EMC9: variants seen among roughly 807,000 people sequenced by gnomAD.
EMC9 encodes UPF0172 protein FAM158A.
EMC9 carries 20 observed loss-of-function variants against 25.0 expected under a neutral mutation model. The observed-to-expected ratio is 0.80, with a 90% CI of 0.56 to 1.16. EMC9 has a LOEUF of 1.16. Ranked by LOEUF, EMC9 falls within the 50% of genes most tolerant of loss-of-function variation. The pLI is 0.00. For missense variants in EMC9, 256 were observed against 268.7 expected, an observed-to-expected ratio of 0.95 and a Z score of 0.33; for synonymous variants, 100 against 107.0, an observed-to-expected ratio of 0.93 and a Z score of 0.40.
chr14:24,140,852 A>G, intron 3 of EMC9, 37 bp downstream of exon 3: 1 of 1,437,602 alleles, frequency 7.0e-7, no homozygotes, highest in Non-Finnish European at 9.4e-7. Context: ...CCAACCCGCC[A>G]TAATCCTTTC....
chr14:24,141,078 G>C (rs993306694), intron 2 of EMC9, 29 bp downstream of exon 2: 7 of 1,613,800 alleles, frequency 4.3e-6, no homozygotes, highest in South Asian at 1.1e-5. Flanking sequence ...GTGGGTTCGC[G>C]GTGGGGGATG....
In EMC9 at chr14:24,139,118, C is replaced by T. The variant is rs752246875; in HGVS notation, c.519G>A (p.Val173=). The change falls in exon 6 of 6, where the codon GTG becomes GTA. Residue 173 remains valine (V), a synonymous_variant. Coordinates refer to ENST00000216799, the MANE Select transcript of EMC9 (RefSeq NM_016049.4). This position sits in a 1 kb window ranked among gnomAD's most constrained non-coding sequence, Gnocchi z 4.6. Reference sequence around the variant, plus strand: ...TGTCATCAAGGTGGCAGTCAAAGTCCACAAGGTGCTGGTGGGCCCGATCTT... The same window carrying T: ...TGTCATCAAGGTGGCAGTCAAAGTCTACAAGGTGCTGGTGGGCCCGATCTT... ...LLEDRAHQHL[V]DFDCHLDDIR... is the part of the protein sequence containing the mutation. 1.9e-6 allele frequency: 3 copies of T among 1,614,168 alleles called. No homozygotes were observed. Among genetic ancestry groups the T allele is most frequent in the South Asian group, 1.1e-5 (1 of 91,088 alleles).
Position 24,139,636 on chromosome 14 carries a change from G to T in EMC9, c.276-22C>A. 6.2e-7 allele frequency: 1 copy of T among 1,611,450 alleles called. No individual in the cohort carries two copies. The highest frequency in any genetic ancestry group is 1.1e-5 in the South Asian group (1 of 90,588). On this transcript the variant is annotated intron_variant, in intron 3 of 5. Transcript: ENST00000216799. This position sits in a 1 kb window ranked among gnomAD's most constrained non-coding sequence, Gnocchi z 4.6. ...AGGGCTGTGTAGAGGGAAGATCAGA[G>T]GAGTGAGGAGCCAACTGTGGGCAAA...
In EMC9 at chr14:24,140,982, G is replaced by A. The variant is rs1190487405; in HGVS notation, c.199-17C>T. 6.2e-7 allele frequency: 1 copy of A among 1,614,230 alleles called. No homozygotes were observed. The highest frequency in any genetic ancestry group is 1.1e-5 in the South Asian group (1 of 91,086). Reference sequence around the variant, plus strand: ...CACATCCACCTGTCGTAGGAAAGGGGCCATCAGTAATTAAATTGTGCCGCT... The same window carrying A: ...CACATCCACCTGTCGTAGGAAAGGGACCATCAGTAATTAAATTGTGCCGCT... On this transcript the variant is annotated splice_polypyrimidine_tract_variant and intron_variant, in intron 2 of 5. Transcript: ENST00000216799.
intron 3 of EMC9, 94 bp downstream of exon 3, chr14:24,140,794 CG>C: frequency 5.2e-6 from 7 of 1,355,974 alleles, no homozygotes; most frequent in East Asian, 2.3e-5. Context: ...TGTGCGCCCC[CG>C]CCCCGCCCAC....
chr14:24,139,860 T>C lies in EMC9; in HGVS notation c.276-246A>G, dbSNP rs2038009842. ...AAAGGTGGTCTTTTTGGAAGGTAAT[T>C]TGGCATAACCATCCAAATTGAAACT... On this transcript the variant is annotated intron_variant, in intron 3 of 5. Coordinates refer to ENST00000216799, the MANE Select transcript of EMC9 (RefSeq NM_016049.4). This position sits in a 1 kb window ranked among gnomAD's most constrained non-coding sequence, Gnocchi z 4.6. The C allele has an allele frequency of 1.2e-5, 14 of 1,149,646 alleles. No individual in the cohort carries two copies. Among genetic ancestry groups the C allele is most frequent in the Non-Finnish European group, 1.7e-5 (14 of 807,604 alleles). 71.2% of individuals were successfully genotyped at this position (1,149,646 alleles called of 1,614,324 possible). A position where few individuals can be genotyped will look rare whatever the true frequency, so the allele number is the denominator to read the frequency against.
At position 24,141,174 on chromosome 14, in the gene EMC9, G is replaced by A. The variant is rs1198884686; in HGVS notation, c.131C>T (p.Thr44Ile). 2 of 1,614,152 alleles carry A rather than the reference G, an allele frequency of 1.2e-6. No homozygotes were observed. Among genetic ancestry groups the A allele is most frequent in the Non-Finnish European group, 8.5e-7 (1 of 1,180,054 alleles). Residue 44 changes from threonine (T) to isoleucine (I), a missense_variant, in exon 2 of 6, where the codon ACC (threonine) becomes ATC (isoleucine). Coordinates refer to ENST00000216799, the MANE Select transcript of EMC9 (RefSeq NM_016049.4). Reference protein sequence around the residue: ...APRSGECLCLTDCVPLFHSHL... With the variant: ...APRSGECLCLIDCVPLFHSHL... ...GCTGTGGAAGAGGGGCACACAGTCG[G>A]TGAGGCACAGGCATTCTCCAGACCG...
Position 24,139,003 on chromosome 14 carries a change from C to T in EMC9, c.*7G>A. On this transcript the variant is annotated 3_prime_UTR_variant, in exon 6 of 6. Transcript: ENST00000216799. This position sits in a 1 kb window ranked among gnomAD's most constrained non-coding sequence, Gnocchi z 4.6. ...CTTTATTGGAACCGGGCCCCGCTGGCCCTGGCTCAGGCATTTCCATTTCCA... is the reference window on the plus strand; with the variant it reads ...CTTTATTGGAACCGGGCCCCGCTGGTCCTGGCTCAGGCATTTCCATTTCCA... The T allele has an allele frequency of 1.2e-6, 2 of 1,612,808 alleles. No homozygotes were observed. The highest frequency in any genetic ancestry group is 1.1e-5 in the South Asian group (1 of 91,008).
rs1276605466 is a variant in EMC9, at chr14:24,139,723, C to T, written c.276-109G>A. ...GGTGTGGGCGCAGCTGTGGCCTTTC[C>T]CTGTAGGTGGCCTGCGGGGATCGGG... On this transcript the variant is annotated intron_variant, in intron 3 of 5. Transcript: ENST00000216799. This position sits in a 1 kb window ranked among gnomAD's most constrained non-coding sequence, Gnocchi z 4.6. 3 of 1,551,644 alleles carry T rather than the reference C, an allele frequency of 1.9e-6. No homozygotes were observed. The highest frequency in any genetic ancestry group is 2.7e-5 in the African/African-American group (2 of 73,076).
rs1377152663 is a variant in EMC9 at position 24,139,683 on chromosome 14, C to T, written c.276-69G>A. ...CAAAACCCATCCATTTGAGCTGGGC[C>T]TCCCAGGTCTCATAGGTGTGGGCGC... is the stretch of plus-strand genomic sequence containing the variant. On this transcript the variant is annotated intron_variant, in intron 3 of 5. Transcript: ENST00000216799. The surrounding 1 kb of genome is among the most constrained non-coding windows in gnomAD (Gnocchi z 4.6). 3 of 1,574,056 alleles carry T rather than the reference C, an allele frequency of 1.9e-6. No individual in the cohort carries two copies. The East Asian group carries it at 7.0e-5, about 37-fold the overall frequency.
chr14:24,140,816 A>T, intron 3 of EMC9, 73 bp downstream of exon 3: 1 of 817,754 alleles, frequency 1.2e-6, no homozygotes, highest in Non-Finnish European at 1.9e-6. Flanking sequence ...CGCCCCACGC[A>T]TCCTCGCCCT....
intron 3 of EMC9, 90 bp downstream of exon 3, chr14:24,140,799 C>A: frequency 7.2e-7 from 1 of 1,381,094 alleles, no homozygotes; most frequent in Non-Finnish European, 1.0e-6. Context: ...GCCCCCGCCC[C>A]GCCCACCGCC....
Position 24,141,255 on chromosome 14 carries a change from T to G in EMC9, c.50A>C (p.His17Pro). ...SALAYVKMCLHAARYPHAAVN... is the reference protein window; with the variant it reads ...SALAYVKMCLPAARYPHAAVN... ...TGCGGCGTGTGGGTACCGGGCAGCA[T>G]GCAGGCACATCTTCACGTAGGCCAG... is the stretch of plus-strand genomic sequence containing the variant. The change falls in exon 2 of 6, where the codon CAT becomes CCT. Residue 17 changes from histidine to proline, a missense_variant. Physicochemically the swap from His to Pro is moderately conservative, Grantham distance 77. Coordinates refer to ENST00000216799, the MANE Select transcript of EMC9 (RefSeq NM_016049.4). 1 of 1,614,086 alleles carries G rather than the reference T, an allele frequency of 6.2e-7. No homozygotes were observed. The highest frequency in any genetic ancestry group is 1.6e-4 in the Middle Eastern group (1 of 6,062).
In EMC9 at chr14:24,139,690, G is replaced by T. The variant is rs1316899752; in HGVS notation, c.276-76C>A. On this transcript the variant is annotated intron_variant, in intron 3 of 5. Coordinates refer to ENST00000216799, the MANE Select transcript of EMC9 (RefSeq NM_016049.4). This position sits in a 1 kb window ranked among gnomAD's most constrained non-coding sequence, Gnocchi z 4.6. Reference sequence around the variant, plus strand: ...CATCCATTTGAGCTGGGCCTCCCAGGTCTCATAGGTGTGGGCGCAGCTGTG... The same window carrying T: ...CATCCATTTGAGCTGGGCCTCCCAGTTCTCATAGGTGTGGGCGCAGCTGTG... 1 of 1,569,364 alleles carries T rather than the reference G, an allele frequency of 6.4e-7. No homozygotes were observed. The highest frequency in any genetic ancestry group is 1.9e-5 in the Admixed American group (1 of 52,628).
At position 24,140,897 on chromosome 14, in the gene EMC9, G is replaced by C; in HGVS notation, c.267C>G (p.Asn89Lys). ...AGYYHANAAV[N>K]DQSPGPLALK... ...CTGGCTACGCCACTCACCTCTGATC[G>C]TTCACAGCTGCATTGGCATGGTAGT... Residue 89 changes from asparagine to lysine, a missense_variant, in exon 3 of 6, where the codon AAC becomes AAG. By Grantham distance (94) the Asn-to-Lys change is moderately conservative (BLOSUM62 0). Coordinates refer to ENST00000216799, the MANE Select transcript of EMC9 (RefSeq NM_016049.4). 6.2e-7 allele frequency: 1 copy of C among 1,613,910 alleles called. No individual in the cohort carries two copies. The highest frequency in any genetic ancestry group is 1.3e-5 in the African/African-American group (1 of 74,906).
intron 3 of EMC9, chr14:24,140,012 G>T: frequency 5.4e-6 from 2 of 371,342 alleles, no homozygotes; most frequent in South Asian, 4.1e-5. Flanking sequence ...ATAAATTAGA[G>T]TACATTCATA....
chr14:24,139,677 C>T lies in EMC9; in HGVS notation c.276-63G>A. 6.3e-7 allele frequency: 1 copy of T among 1,581,226 alleles called. No individual in the cohort carries two copies. The highest frequency in any genetic ancestry group is 8.6e-7 in the Non-Finnish European group (1 of 1,163,470). On this transcript the variant is annotated intron_variant, in intron 3 of 5. Coordinates refer to ENST00000216799, the MANE Select transcript of EMC9 (RefSeq NM_016049.4). This position sits in a 1 kb window ranked among gnomAD's most constrained non-coding sequence, Gnocchi z 4.6. ...TGTGGGCAAAACCCATCCATTTGAG[C>T]TGGGCCTCCCAGGTCTCATAGGTGT... is the stretch of plus-strand genomic sequence containing the variant.
In EMC9 at chr14:24,139,702, TG is replaced by T; in HGVS notation, c.276-89del. 3 of 1,558,654 alleles carry T rather than the reference TG, an allele frequency of 1.9e-6. No homozygotes were observed. Among genetic ancestry groups the T allele is most frequent in the Non-Finnish European group, 2.6e-6 (3 of 1,151,304 alleles). ...CTGGGCCTCCCAGGTCTCATAGGTGTGGGCGCAGCTGTGGCCTTTCCCTGTA... is the reference window on the plus strand; with the variant it reads ...CTGGGCCTCCCAGGTCTCATAGGTGTGGCGCAGCTGTGGCCTTTCCCTGTA... On this transcript the variant is annotated intron_variant, in intron 3 of 5. Transcript: ENST00000216799. The surrounding 1 kb of genome is among the most constrained non-coding windows in gnomAD (Gnocchi z 4.6).
At chr14:24,140,845 A>G in intron 3 of EMC9, 44 bp downstream of exon 3, 1 of 1,601,142 alleles carries the variant, frequency 6.2e-7, no homozygotes, top group Non-Finnish European at 8.5e-7. Flanking sequence ...CCAATCCCCA[A>G]CCCGCCATAA....
Sources: gnomAD v4.1 joint callset for allele counts on GRCh38, gnomAD v4.1.1 for gene constraint, Gnocchi (gnomAD v3.1) non-coding constraint, MANE v1.5 for transcripts, NCBI Gene and HGNC (gene_info 2026-07-23, HGNC 2026-07-21) for gene names.